ACCSL: variants seen among roughly 807,000 people sequenced by gnomAD.
ACCSL encodes the protein probable inactive 1-aminocyclopropane-1-carboxylate synthase-like protein 2.
Under a neutral mutation model 61.7 loss-of-function variants are expected in ACCSL, and 55 were observed. The ratio of observed to expected loss-of-function variants is 0.89; its 90% CI spans 0.72 to 1.12. ACCSL has a LOEUF of 1.12. ACCSL is among the 50% of genes most tolerant of loss of function. The probability of loss-of-function intolerance (pLI) is 0.00; values close to 1 mark genes in which losing one functional copy is unlikely to be tolerated. For missense variants in ACCSL, 632 were observed against 698.0 expected (o/e 0.91, Z 1.07); for synonymous variants, 258 against 264.3 (o/e 0.98, Z 0.23).
At chr11:44,055,164 A>G in intron 8 of ACCSL, 38 bp from the exon 9 acceptor site, 1 of 1,391,878 alleles carries the variant, frequency 7.2e-7, no homozygotes, top group East Asian at 2.3e-5. Flanking sequence ...ATTAGAGAGA[A>G]GCTAGATCTT....
the ACCSL span, among the ~76,000 whole-genome samples, chr11:44,001,758 A>G: frequency 2.1e-5 from 2 of 94,308 alleles, no homozygotes; most frequent in South Asian, 3.7e-4. Context: ...AGCAGGGGGG[A>G]AGTGGAGGTA....
the ACCSL span, among the ~76,000 whole-genome samples, chr11:43,980,348 C>T: frequency 6.6e-6 from 1 of 152,354 alleles, no homozygotes; most frequent in South Asian, 2.1e-4. Context: ...AGCACTACCA[C>T]ATTGTTCTGT....
At chr11:43,933,596 C>T in the ACCSL span, among the ~76,000 whole-genome samples, 2 of 152,206 alleles carry the variant, frequency 1.3e-5, no homozygotes, top group Non-Finnish European at 2.9e-5. Flanking sequence ...GACCAGTGGT[C>T]CCAGAAGAGG....
the ACCSL span, among the ~76,000 whole-genome samples, chr11:43,958,790 T>A: frequency 6.6e-6 from 1 of 152,140 alleles, no homozygotes; most frequent in Non-Finnish European, 1.5e-5. Context: ...AAGGCAGTTT[T>A]CAACCTCCTA....
chr11:44,055,922 G>A, intron 9 of ACCSL, 118 bp from the exon 10 acceptor site: 2 of 1,139,998 alleles, frequency 1.8e-6, no homozygotes, highest in Admixed American at 2.2e-5. Context: ...CTTGAGCTTT[G>A]GGCCCTATAG....
chr11:43,966,862 T>C, the ACCSL span, among the ~76,000 whole-genome samples: 1 of 152,218 alleles, frequency 6.6e-6, no homozygotes, highest in Admixed American at 6.5e-5. Context: ...TTCACATCTT[T>C]GGTTTCAAGA....
At chr11:44,048,627 G>A (rs1339495237) in intron 1 of ACCSL, 87 bp downstream of exon 1, 1 of 1,290,592 alleles carries the variant, frequency 7.7e-7, no homozygotes, top group Non-Finnish European at 1.1e-6. Flanking sequence ...TGCTATATAT[G>A]CTCTCATTCT....
At chr11:44,002,100 G>T in the ACCSL span, among the ~76,000 whole-genome samples, 2 of 152,086 alleles carry the variant, frequency 1.3e-5, no homozygotes, top group East Asian at 3.9e-4. Context: ...GGACAAGGAG[G>T]GGGGAAGTGT....
the ACCSL span, among the ~76,000 whole-genome samples, chr11:43,980,765 G>T: frequency 6.6e-6 from 1 of 152,280 alleles, no homozygotes; most frequent in South Asian, 2.1e-4. Flanking sequence ...TAGCTTTTCA[G>T]TGTGTACCAA....
At chr11:44,050,989 C>T (rs1202757411) in intron 3 of ACCSL, among the ~76,000 whole-genome samples, 1 of 151,834 alleles carries the variant, frequency 6.6e-6, no homozygotes, top group East Asian at 1.9e-4. Context: ...CTACAGGTGC[C>T]CGCCACCACG....
At chr11:44,003,159 GA>G in the ACCSL span, among the ~76,000 whole-genome samples, 2 of 152,128 alleles carry the variant, frequency 1.3e-5, no homozygotes, top group Admixed American at 1.3e-4. Context: ...AAAGAATGAG[GA>G]GAAAAATTAT....
At chr11:44,025,188 C>T in the ACCSL span, among the ~76,000 whole-genome samples, 2 of 152,148 alleles carry the variant, frequency 1.3e-5, no homozygotes, top group African/African-American at 2.4e-5. Context: ...GTAGGGTTTA[C>T]ACTTGCCATT....
chr11:43,963,496 A>G, the ACCSL span, among the ~76,000 whole-genome samples: 1 of 152,206 alleles, frequency 6.6e-6, no homozygotes, highest in Non-Finnish European at 1.5e-5. Flanking sequence ...CTTGGCTTCT[A>G]CAGAGCAGAT....
upstream of ACCSL, among the ~76,000 whole-genome samples, chr11:44,046,290 A>T (rs116207085): frequency 0.012 from 1,857 of 152,300 alleles, 38 homozygotes; most frequent in African/African-American, 0.042. Context: ...AAAGGTTGGG[A>T]TCGTAAGTCA....
chr11:44,055,899 G>A (rs1001223442), intron 9 of ACCSL, 141 bp from the exon 10 acceptor site: 6 of 947,508 alleles, frequency 6.3e-6, no homozygotes, highest in Non-Finnish European at 7.9e-6. Flanking sequence ...TGGCTTAACT[G>A]GGACAACTGT....
At chr11:44,057,022 C>A (rs1455046635) in intron 11 of ACCSL, among the ~76,000 whole-genome samples, 1 of 152,178 alleles carries the variant, frequency 6.6e-6, no homozygotes, top group Admixed American at 6.5e-5. Flanking sequence ...GATTATAAAA[C>A]CAAAAACAAC....
Position 44,056,405 on chromosome 11 carries a change from G to A in ACCSL, c.1327+79G>A, listed in dbSNP as rs192166511. ...AATTCTTGGATTTGCTTGGGCCTCT[G>A]ATGTGCCCTTAATATACTGAGACCC... is the stretch of plus-strand genomic sequence containing the variant. On this transcript the variant is annotated intron_variant, in intron 11 of 13. Coordinates refer to ENST00000378832, the MANE Select transcript of ACCSL (RefSeq NM_001031854.2). 4,264 of 1,507,436 alleles carry A rather than the reference G, an allele frequency of 2.8e-3. 13 individuals carry two copies. Among genetic ancestry groups the A allele is most frequent in the Non-Finnish European group, 2.3e-3 (2,610 of 1,116,868 alleles). The allele number at this position is 1,507,436 out of a possible 1,614,324, so 93.4% of individuals were successfully genotyped here.
chr11:43,976,827 C>T, the ACCSL span, among the ~76,000 whole-genome samples: 8 of 152,178 alleles, frequency 5.3e-5, no homozygotes, highest in East Asian at 1.9e-4. Flanking sequence ...GTGTGCCCAA[C>T]GAGAGCAGAA....
chr11:44,025,894 T>A, the ACCSL span, among the ~76,000 whole-genome samples: 1 of 152,236 alleles, frequency 6.6e-6, no homozygotes, highest in African/African-American at 2.4e-5. Flanking sequence ...CCATAGTTTC[T>A]GATGAAAAGT....
Sources: gnomAD v4.1 joint callset for allele counts (sites outside exome capture counted in the v4.1 genomes callset) on GRCh38, gnomAD v4.1.1 for gene constraint, MANE v1.5 for transcripts, NCBI Gene and HGNC (gene_info 2026-07-23, HGNC 2026-07-21) for gene names.